The following SYT16 variants were observed in gnomAD, a reference collection of about 807,000 sequenced individuals.
SYT16 encodes the protein synaptotagmin 16.
A neutral mutation model predicts 61.4 loss-of-function variants in SYT16; 42 were observed. The ratio of observed to expected loss-of-function variants is 0.68; its 90% CI spans 0.53 to 0.89. The LOEUF (loss-of-function observed/expected upper bound fraction) is 0.89. SYT16 is among the 40% of genes least tolerant of loss of function. The pLI is 0.00. For synonymous variants in SYT16, 314 were observed against 302.3 expected (o/e 1.04, Z -0.40); for missense variants, 804 against 807.3 (o/e 1.00, Z 0.05).
chr14:61,961,074 A>C (rs933987523), intron 1 of SYT16, among the ~76,000 whole-genome samples: 29 of 152,222 alleles, frequency 1.9e-4, no homozygotes, highest in Non-Finnish European at 2.9e-5. Context: ...TGTGCAGGAA[A>C]TTAAAACGGG....
At chr14:61,871,394 G>T (rs2047327845) in intron 1 of SYT16, among the ~76,000 whole-genome samples, 1 of 152,086 alleles carries the variant, frequency 6.6e-6, no homozygotes, top group Non-Finnish European at 1.5e-5. Flanking sequence ...TGTCTCTTCT[G>T]CAGTGCTTTA....
At chr14:62,080,689 A>G in intron 5 of SYT16, 145 bp from the exon 6 acceptor site, 1 of 777,764 alleles carries the variant, frequency 1.3e-6, no homozygotes, top group Non-Finnish European at 2.1e-6. Context: ...GCGATAGACC[A>G]GTAAACAGAC....
At chr14:62,056,228 G>A (rs116306927) in intron 3 of SYT16, among the ~76,000 whole-genome samples, 2,182 of 152,220 alleles carry the variant, frequency 0.014, 25 homozygotes, top group Middle Eastern at 0.037. Context: ...ACTATCTCAC[G>A]TCTACCAGGT....
chr14:61,965,183 G>A (rs2051265682), intron 1 of SYT16, among the ~76,000 whole-genome samples: 1 of 152,086 alleles, frequency 6.6e-6, no homozygotes, highest in South Asian at 2.1e-4. Context: ...TTTTAAACAT[G>A]TCTAAACAGG....
At chr14:61,845,028 T>C (rs1487681156) in intron 1 of SYT16, among the ~76,000 whole-genome samples, 1 of 151,144 alleles carries the variant, frequency 6.6e-6, no homozygotes, top group Non-Finnish European at 1.5e-5. Context: ...AAGCTTTTCT[T>C]TACTAGAAGA....
intron 1 of SYT16, among the ~76,000 whole-genome samples, chr14:61,967,990 G>A (rs2051384993): frequency 2.6e-5 from 4 of 152,246 alleles, no homozygotes; most frequent in Admixed American, 2.6e-4. Context: ...GCTGGGTGCG[G>A]TGGCTCATGC....
intron 1 of SYT16, among the ~76,000 whole-genome samples, chr14:61,908,163 A>G (rs1291915872): frequency 1.3e-5 from 2 of 152,348 alleles, no homozygotes; most frequent in East Asian, 3.9e-4. Context: ...TTTTTCCACC[A>G]GCGTGTGAAC....
intron 7 of SYT16, among the ~76,000 whole-genome samples, chr14:62,086,721 A>G (rs1238241700): frequency 1.3e-5 from 2 of 152,248 alleles, no homozygotes; most frequent in Non-Finnish European, 2.9e-5. Flanking sequence ...CAAATAGGAA[A>G]AAAAGGCAAG....
rs566900118 is a variant in SYT16 at position 61,846,631 on chromosome 14, G to C, written c.-325+33821G>C. On this transcript the variant is annotated intron_variant, in intron 1 of 7. Transcript: ENST00000683842. Reference sequence around the variant, plus strand: ...TCCATTCTGCCAGCCTGCATCTTTTGATTGGAGAGTTTAGTCCATTTGCAT... The same window carrying C: ...TCCATTCTGCCAGCCTGCATCTTTTCATTGGAGAGTTTAGTCCATTTGCAT... 2.0e-5 allele frequency among the ~76,000 whole-genome samples: 3 copies of C among 152,202 alleles called. No individual in the cohort carries two copies. The East Asian group carries it at 5.8e-4, about 29-fold the overall frequency.
chr14:62,048,228 T>C (rs532513518), intron 3 of SYT16, among the ~76,000 whole-genome samples: 1 of 152,378 alleles, frequency 6.6e-6, no homozygotes, highest in Admixed American at 6.5e-5. Context: ...TCTAGGAATT[T>C]ATCCATTTCT....
chr14:61,952,687 A>G (rs2050719861), intron 1 of SYT16, among the ~76,000 whole-genome samples: 2 of 152,192 alleles, frequency 1.3e-5, no homozygotes, highest in African/African-American at 4.8e-5. Flanking sequence ...TGTTTTGAAA[A>G]ATGATTGGTT....
intron 1 of SYT16, among the ~76,000 whole-genome samples, chr14:61,839,342 A>G (rs2046231304): frequency 6.6e-6 from 1 of 152,202 alleles, no homozygotes; most frequent in African/African-American, 2.4e-5. Context: ...AGATGCTGGT[A>G]CCTTGATCTT....
intron 3 of SYT16, among the ~76,000 whole-genome samples, chr14:61,999,987 T>G (rs1395875437): frequency 6.6e-6 from 1 of 151,702 alleles, no homozygotes; most frequent in African/African-American, 2.4e-5. Context: ...TGTTGGATAT[T>G]TCATGTGCAC....
chr14:61,884,780 G>A (rs377119429), intron 1 of SYT16, among the ~76,000 whole-genome samples: 2 of 152,156 alleles, frequency 1.3e-5, no homozygotes, highest in Non-Finnish European at 2.9e-5. Context: ...TTTTGCTCAT[G>A]CAGTGTCAAG....
intron 1 of SYT16, among the ~76,000 whole-genome samples, chr14:61,958,340 TTC>T (rs530559808): frequency 6.6e-6 from 1 of 151,844 alleles, no homozygotes; most frequent in Non-Finnish European, 1.5e-5. Context: ...TTTTTTATTT[TTC>T]TGTTTCTTGA....
Position 61,939,210 on chromosome 14 carries a change from A to C in SYT16, c.-324-30922A>C, listed in dbSNP as rs113592545. ...ATGTGTCTGGGAACTTTGCTATAGA[A>C]GTCTGGAGGACCTTTAATTATTCTC... On this transcript the variant is annotated intron_variant, in intron 1 of 7. Transcript: ENST00000683842. 1.5e-4 allele frequency among the ~76,000 whole-genome samples: 23 copies of C among 152,316 alleles called. 2 individuals carry two copies. The highest frequency in any genetic ancestry group is 5.1e-4 in the African/African-American group (21 of 41,582).
In SYT16 at chr14:61,905,371, C is replaced by T. The variant is rs551477407; in HGVS notation, c.-324-64761C>T. The stretch of plus-strand genomic sequence containing the variant: ...TATTAGGCTAGTGCAAAAGTAATTG[C>T]GGGTTTTGCCATTATTGGCAAATTG... On this transcript the variant is annotated intron_variant, in intron 1 of 7. Coordinates refer to ENST00000683842, the MANE Select transcript of SYT16 (RefSeq NM_001367656.1). 4.6e-5 allele frequency among the ~76,000 whole-genome samples: 7 copies of T among 152,388 alleles called. No individual in the cohort carries two copies. The South Asian group carries it at 6.2e-4, about 14-fold the overall frequency.
chr14:61,969,880 C>G (rs920895078), intron 1 of SYT16, among the ~76,000 whole-genome samples: 13 of 152,112 alleles, frequency 8.5e-5, no homozygotes, highest in African/African-American at 3.1e-4. Context: ...GTAGAAGAAA[C>G]TACACATTCA....
chr14:62,086,909 C>G (rs2056905038), intron 7 of SYT16, among the ~76,000 whole-genome samples: 1 of 152,060 alleles, frequency 6.6e-6, no homozygotes, highest in Non-Finnish European at 1.5e-5. Context: ...AACAGAAAGC[C>G]AATAGTGAAG....
Sources: gnomAD v4.1 joint callset for allele counts (sites outside exome capture counted in the v4.1 genomes callset) on GRCh38, gnomAD v4.1.1 for gene constraint, MANE v1.5 for transcripts, NCBI Gene and HGNC (gene_info 2026-07-23, HGNC 2026-07-21) for gene names.